ANKRD55: variants seen among roughly 807,000 people sequenced by gnomAD.
The protein encoded by ANKRD55 is ankyrin repeat domain 55, also known as ankyrin repeat domain-containing protein 55.
A neutral mutation model predicts 60.6 loss-of-function variants in ANKRD55; 41 were observed. That is an observed-to-expected ratio of 0.68 (90% CI 0.53 to 0.88). The LOEUF (loss-of-function observed/expected upper bound fraction) is 0.88. ANKRD55 is among the 40% of genes least tolerant of loss of function. The pLI is 0.00. For synonymous variants in ANKRD55, 264 were observed against 290.3 expected (o/e 0.91, Z 0.92); for missense variants, 732 against 767.6 (o/e 0.95, Z 0.55).
intron 7 of ANKRD55, among the ~76,000 whole-genome samples, chr5:56,130,586 C>T (rs567870237): frequency 7.2e-5 from 11 of 152,158 alleles, no homozygotes; most frequent in South Asian, 2.1e-4. Context: ...GTCTGGCTAT[C>T]GAGAAAAAAT....
At chr5:56,197,160 GATCACATAATATTAA>G (rs988598491) in intron 2 of ANKRD55, among the ~76,000 whole-genome samples, 2 of 152,058 alleles carry the variant, frequency 1.3e-5, no homozygotes, top group Non-Finnish European at 2.9e-5. Context: ...TGTAGTCCAG[GATCACATAATATTAA>G]ATATAAAATA....
At chr5:56,105,929 A>T (rs1756450272) in intron 10 of ANKRD55, among the ~76,000 whole-genome samples, 2 of 152,230 alleles carry the variant, frequency 1.3e-5, no homozygotes, top group South Asian at 4.1e-4. Context: ...CTAGCAGACA[A>T]TACCACAGAG....
chr5:56,176,809 ATG>A (rs1758747265), intron 3 of ANKRD55, among the ~76,000 whole-genome samples: 1 of 152,150 alleles, frequency 6.6e-6, no homozygotes, highest in Non-Finnish European at 1.5e-5. Flanking sequence ...TTAGTTTTTT[ATG>A]TGTTTTCTTT....
chr5:56,110,825 T>C (rs187989581), intron 10 of ANKRD55, among the ~76,000 whole-genome samples: 23 of 152,360 alleles, frequency 1.5e-4, no homozygotes, highest in Admixed American at 2.0e-4. Context: ...TCCTTGCTAG[T>C]GGAAATAGTA....
rs1183175027 is a variant in ANKRD55 at position 56,112,033 on chromosome 5, C to T, written c.966-251G>A. Among the ~76,000 whole-genome samples, 4 of 152,114 alleles carry T rather than the reference C, an allele frequency of 2.6e-5. No homozygotes were observed. The East Asian group carries it at 7.7e-4, about 29-fold the overall frequency. ...GGACGTTTCTTAGATTTTTCTTGCTCCTTCAGGGGATATCCTTTCAAAATT... is the reference window on the plus strand; with the variant it reads ...GGACGTTTCTTAGATTTTTCTTGCTTCTTCAGGGGATATCCTTTCAAAATT... On this transcript the variant is annotated intron_variant, in intron 9 of 11. Coordinates refer to ENST00000341048, the MANE Select transcript of ANKRD55 (RefSeq NM_024669.3).
intron 7 of ANKRD55, among the ~76,000 whole-genome samples, chr5:56,131,625 G>A (rs1167517533): frequency 2.6e-5 from 4 of 151,440 alleles, no homozygotes; most frequent in Admixed American, 1.3e-4. Flanking sequence ...GAGAAACCCC[G>A]TCTCTGCTAA....
At chr5:56,175,259 AC>A (rs1758713674) in intron 4 of ANKRD55, among the ~76,000 whole-genome samples, 1 of 152,204 alleles carries the variant, frequency 6.6e-6, no homozygotes, top group South Asian at 2.1e-4. Flanking sequence ...TCAGCAGGAC[AC>A]CCTCAATGGG....
intron 2 of ANKRD55, among the ~76,000 whole-genome samples, chr5:56,226,068 C>T (rs1372667114): frequency 6.6e-6 from 1 of 152,190 alleles, no homozygotes; most frequent in African/African-American, 2.4e-5. Context: ...ATCACGCTAC[C>T]TGACTTCAAT....
At chr5:56,100,816 A>G (rs1034356439) in intron 11 of ANKRD55, among the ~76,000 whole-genome samples, 2 of 152,240 alleles carry the variant, frequency 1.3e-5, no homozygotes, top group African/African-American at 4.8e-5. Flanking sequence ...CCTGCCAAAG[A>G]AAACCTCTCT....
rs1254356090 is a variant in ANKRD55, at chr5:56,133,466, T to C, written c.613-6360A>G. 8.7e-5 allele frequency among the ~76,000 whole-genome samples: 9 copies of C among 103,694 alleles called. 2 individuals carry two copies. Among genetic ancestry groups the C allele is most frequent in the African/African-American group, 2.8e-4 (9 of 31,742 alleles). 68.0% of individuals were successfully genotyped at this position (103,694 alleles called of 152,430 possible). On this transcript the variant is annotated intron_variant, in intron 7 of 11. Coordinates refer to ENST00000341048, the MANE Select transcript of ANKRD55 (RefSeq NM_024669.3). ...AAAAAAAAAAAAACAATTAATTAAT[T>C]GGATACAATTGATGTCTACTGACTA...
intron 2 of ANKRD55, among the ~76,000 whole-genome samples, chr5:56,223,824 T>C (rs1156745783): frequency 2.0e-5 from 3 of 152,120 alleles, no homozygotes; most frequent in Non-Finnish European, 2.9e-5. Context: ...CAGGAGCACC[T>C]AGATTCATAA....
chr5:56,120,063 A>G (rs1441652933), intron 8 of ANKRD55, among the ~76,000 whole-genome samples: 3 of 147,578 alleles, frequency 2.0e-5, no homozygotes, highest in Non-Finnish European at 4.5e-5. Flanking sequence ...TTTGAGACAT[A>G]GTCTTGCTCT....
At chr5:56,117,565 C>T (rs1471019760) in intron 8 of ANKRD55, among the ~76,000 whole-genome samples, 1 of 152,016 alleles carries the variant, frequency 6.6e-6, no homozygotes, top group Admixed American at 6.6e-5. Context: ...GCGATTCTCC[C>T]ACCTCAGCCT....
chr5:56,143,961 G>T, intron 6 of ANKRD55, 32 bp from the exon 7 acceptor site: 1 of 1,612,626 alleles, frequency 6.2e-7, no homozygotes, highest in South Asian at 1.1e-5. Context: ...GGACAGAGAT[G>T]AGCACAGGCT....
chr5:56,201,160 C>T (rs160939), intron 2 of ANKRD55, among the ~76,000 whole-genome samples: 54,553 of 152,034 alleles, frequency 0.36, 12,086 homozygotes, highest in East Asian at 0.6. Context: ...CCCTCTCTCC[C>T]CCTGCGGGAT....
chr5:56,111,018 G>C (rs1756673219), intron 10 of ANKRD55, 100 bp downstream of exon 10: 2 of 1,373,238 alleles, frequency 1.5e-6, no homozygotes, highest in Admixed American at 4.4e-5. Context: ...TTCTCACCCT[G>C]CCTTCTAGGC....
At chr5:56,150,442 GA>G (rs59173254) in intron 6 of ANKRD55, among the ~76,000 whole-genome samples, 32 of 148,366 alleles carry the variant, frequency 2.2e-4, no homozygotes, top group African/African-American at 6.9e-4. Context: ...TGCCTCTACA[GA>G]AAAAAAAAAA....
chr5:56,125,173 T>A (rs1185328042), intron 8 of ANKRD55, among the ~76,000 whole-genome samples: 8 of 152,188 alleles, frequency 5.3e-5, no homozygotes, highest in Non-Finnish European at 7.4e-5. Flanking sequence ...GTTCTTTTTT[T>A]AAAAAATGGT....
At chr5:56,130,209 C>A (rs1283895272) in intron 7 of ANKRD55, among the ~76,000 whole-genome samples, 1 of 152,102 alleles carries the variant, frequency 6.6e-6, no homozygotes, top group Non-Finnish European at 1.5e-5. Flanking sequence ...TATACCAGAG[C>A]ACTCTGTTCT....
Sources: allele counts gnomAD v4.1 joint callset (sites outside exome capture counted in the v4.1 genomes callset), GRCh38; gene constraint gnomAD v4.1.1; transcripts MANE v1.5; gene names NCBI Gene and HGNC (gene_info 2026-07-23, HGNC 2026-07-21).